The following ANKRD11 variants were observed in gnomAD, a reference collection of about 807,000 sequenced individuals.
ANKRD11 encodes the protein ankyrin repeat domain 11.
A neutral mutation model predicts 195.7 loss-of-function variants in ANKRD11; 17 were observed. The observed-to-expected ratio is 0.09, with a 90% confidence interval of 0.06 to 0.13. The LOEUF (loss-of-function observed/expected upper bound fraction) is 0.13, where lower values mean the gene tolerates loss of function less well. Ranked by LOEUF, ANKRD11 falls within the 10% of genes least tolerant of loss-of-function variation. The probability of loss-of-function intolerance (pLI) is 1.00; values close to 1 mark genes in which losing one functional copy is unlikely to be tolerated. For synonymous variants in ANKRD11, 1,953 were observed against 1,528.1 expected (o/e 1.28, Z -6.49); for missense variants, 3,735 against 3,566.1 (o/e 1.05, Z -1.21).
intron 1 of ANKRD11, among the ~76,000 whole-genome samples, chr16:89,442,415 A>G (rs1451504982): frequency 6.6e-6 from 1 of 152,206 alleles, no homozygotes; most frequent in Non-Finnish European, 1.5e-5. Flanking sequence ...GTAGAGACCA[A>G]GACTCTTCCT....
At chr16:89,327,191 C>G (rs1428078979) in intron 2 of ANKRD11, among the ~76,000 whole-genome samples, 1 of 152,148 alleles carries the variant, frequency 6.6e-6, no homozygotes, top group Non-Finnish European at 1.5e-5. Context: ...TCAACGTCAC[C>G]CAGCATGCCA....
At chr16:89,468,055 C>T (rs188977699) in intron 1 of ANKRD11, among the ~76,000 whole-genome samples, 3 of 152,286 alleles carry the variant, frequency 2.0e-5, no homozygotes, top group Admixed American at 1.3e-4. Flanking sequence ...CTGCCCACCT[C>T]GGCCTCCCAA....
chr16:89,301,679 C>A, intron 4 of ANKRD11: 1 of 398,712 alleles, frequency 2.5e-6, no homozygotes, highest in Non-Finnish European at 4.4e-6. Flanking sequence ...TCACGTCTGC[C>A]TGGACAGCCT....
At chr16:89,449,532 G>A (rs2043967478) in intron 1 of ANKRD11, among the ~76,000 whole-genome samples, 1 of 152,106 alleles carries the variant, frequency 6.6e-6, no homozygotes, top group Non-Finnish European at 1.5e-5. Context: ...GGTGGCTCAT[G>A]CCTGTAATCC....
At chr16:89,305,125 GC>G (rs2036104134) in intron 4 of ANKRD11, 80 bp downstream of exon 4, 1 of 1,566,742 alleles carries the variant, frequency 6.4e-7, no homozygotes, top group Non-Finnish European at 8.6e-7. Context: ...AGCCGGAGGT[GC>G]GGGGGCCAGG....
intron 2 of ANKRD11, among the ~76,000 whole-genome samples, chr16:89,394,015 G>T (rs564852161): frequency 4.3e-4 from 65 of 152,302 alleles, no homozygotes; most frequent in Non-Finnish European, 7.2e-4. Flanking sequence ...CCAGACCCCA[G>T]TGTTTGCTGA....
At chr16:89,420,088 C>G (rs2042450387) in intron 1 of ANKRD11, 1 of 152,210 alleles carries the variant, frequency 6.6e-6, no homozygotes, top group Non-Finnish European at 1.5e-5. Flanking sequence ...ACAGCAGCCT[C>G]AATCCATCAA....
At position 89,267,651 on chromosome 16, in the gene ANKRD11, C is replaced by A. The variant is rs565289288; in HGVS notation, c.*827G>T. Reference sequence around the variant, plus strand: ...AGCATTTTAATTAATTTATTTATTTCTTTACACATAACTGAAAGTGATGTT... The same window carrying A: ...AGCATTTTAATTAATTTATTTATTTATTTACACATAACTGAAAGTGATGTT... On this transcript the variant is annotated 3_prime_UTR_variant, in exon 13 of 13. Coordinates refer to ENST00000301030, the MANE Select transcript of ANKRD11 (RefSeq NM_013275.6). 1.3e-5 allele frequency: 2 copies of A among 152,400 alleles called. No homozygotes were observed. The highest frequency in any genetic ancestry group is 1.9e-4 in the East Asian group (1 of 5,190). 9.4% of individuals were successfully genotyped at this position (152,400 alleles called of 1,614,324 possible). A position where few individuals can be genotyped will look rare whatever the true frequency, so the allele number is the denominator to read the frequency against.
chr16:89,451,601 G>C (rs1226571248), intron 1 of ANKRD11, among the ~76,000 whole-genome samples: 1 of 151,904 alleles, frequency 6.6e-6, no homozygotes, highest in African/African-American at 2.4e-5. Context: ...ATTTTTAGTA[G>C]AGACAGAATT....
chr16:89,428,172 C>A (rs1400517523), intron 1 of ANKRD11, among the ~76,000 whole-genome samples: 1 of 151,882 alleles, frequency 6.6e-6, no homozygotes. Context: ...CGTGCCACTG[C>A]ACTACAGCCT....
In ANKRD11 at chr16:89,280,138, G is replaced by A; in HGVS notation, c.6404C>T (p.Pro2135Leu). ...CAGGGGAAGCTCCGGCAGGGAGAAG[G>A]GCCCCAGGTCCAGGTCGTCCTCGGG... The part of the protein sequence containing the change: ...AGPEDDLDLG[P>L]FSLPELPLQT... Residue 2135 changes from proline (P) to leucine (L), a missense_variant, in exon 9 of 13, where the codon CCC becomes CTC. Coordinates refer to ENST00000301030, the MANE Select transcript of ANKRD11 (RefSeq NM_013275.6). The A allele has an allele frequency of 6.2e-7, 1 of 1,611,772 alleles. No homozygotes were observed. The highest frequency in any genetic ancestry group is 1.7e-4 in the Middle Eastern group (1 of 5,986).
chr16:89,389,328 A>G (rs552130696), intron 2 of ANKRD11, among the ~76,000 whole-genome samples: 31 of 152,262 alleles, frequency 2.0e-4, no homozygotes, highest in African/African-American at 7.5e-4. Flanking sequence ...CCCGACCTAC[A>G]ACTTTGCTGT....
chr16:89,419,390 T>C (rs936640134), intron 1 of ANKRD11, among the ~76,000 whole-genome samples: 1 of 151,444 alleles, frequency 6.6e-6, no homozygotes, highest in Non-Finnish European at 1.5e-5. Context: ...GAGGCAAAGG[T>C]TGCAGTGAGC....
At chr16:89,290,272 G>C (rs1370632028) in intron 6 of ANKRD11, among the ~76,000 whole-genome samples, 1 of 131,144 alleles carries the variant, frequency 7.6e-6, no homozygotes, top group Non-Finnish European at 1.7e-5. Flanking sequence ...GCTCCAATGG[G>C]GGTAGGCTCA....
At chr16:89,383,224 G>A (rs939690762) in intron 2 of ANKRD11, among the ~76,000 whole-genome samples, 1 of 152,310 alleles carries the variant, frequency 6.6e-6, no homozygotes, top group African/African-American at 2.4e-5. Context: ...GGAGCCACAA[G>A]AGCAAAGTGT....
Position 89,279,276 on chromosome 16 carries a change from G to C in ANKRD11, c.7266C>G (p.Ile2422Met). 2 of 1,611,784 alleles carry C rather than the reference G, an allele frequency of 1.2e-6. No individual in the cohort carries two copies. Among genetic ancestry groups the C allele is most frequent in the Non-Finnish European group, 1.7e-6 (2 of 1,179,686 alleles). ...GGTAGGGCTCGATGGCATCCAGCTT[G>C]ATGGCGTCCACGATGGCGGCCAGCG... Reference protein sequence around the residue: ...QQTLAAIVDAIKLDAIEPYHS... With the variant: ...QQTLAAIVDAMKLDAIEPYHS... The change falls in exon 9 of 13, where the codon ATC becomes ATG. Residue 2422 changes from isoleucine (I) to methionine (M), a missense_variant. By Grantham distance (10) the Ile-to-Met change is conservative. Coordinates refer to ENST00000301030, the MANE Select transcript of ANKRD11 (RefSeq NM_013275.6). The surrounding 1 kb of genome is among the most constrained non-coding windows in gnomAD (Gnocchi z 5.6).
chr16:89,474,756 A>C (rs2057200074), intron 1 of ANKRD11, among the ~76,000 whole-genome samples: 1 of 152,226 alleles, frequency 6.6e-6, no homozygotes, highest in Non-Finnish European at 1.5e-5. Context: ...ACTATATTCC[A>C]AGTTTTTTAT....
intron 2 of ANKRD11, among the ~76,000 whole-genome samples, chr16:89,381,331 C>CAAAAAAAAA (rs10567322): frequency 1.3e-5 from 1 of 76,352 alleles, no homozygotes; most frequent in African/African-American, 5.7e-5. Context: ...GACTCTGCTG[C>CAAAAAAAAA]AAAAAAAAAA....
intron 2 of ANKRD11, among the ~76,000 whole-genome samples, chr16:89,366,566 A>G (rs1298993510): frequency 6.6e-6 from 1 of 152,190 alleles, no homozygotes; most frequent in Non-Finnish European, 1.5e-5. Context: ...CCCAGTTTTC[A>G]CGATCAGCTG....
Sources: gnomAD v4.1 joint callset for allele counts (sites outside exome capture counted in the v4.1 genomes callset) on GRCh38, gnomAD v4.1.1 for gene constraint, Gnocchi (gnomAD v3.1) non-coding constraint, MANE v1.5 for transcripts, NCBI Gene and HGNC (gene_info 2026-07-23, HGNC 2026-07-21) for gene names.